The following ARHGAP24 variants were observed in gnomAD, a reference collection of about 807,000 sequenced individuals.
The protein encoded by ARHGAP24 is rho GTPase-activating protein 24.
Under a neutral mutation model 76.4 loss-of-function variants are expected in ARHGAP24, and 50 were observed. The ratio of observed to expected loss-of-function variants is 0.65; its 90% CI spans 0.52 to 0.83. The LOEUF (loss-of-function observed/expected upper bound fraction) is 0.83. ARHGAP24 is among the 40% of genes least tolerant of loss of function. The probability of loss-of-function intolerance (pLI) is 0.00; values close to 1 mark genes in which losing one functional copy is unlikely to be tolerated. For missense variants in ARHGAP24, 930 were observed against 914.2 expected (o/e 1.02, Z -0.22); for synonymous variants, 345 against 323.3 (o/e 1.07, Z -0.72).
chr4:85,842,904 A>T (rs1730687140), intron 3 of ARHGAP24, among the ~76,000 whole-genome samples: 1 of 152,160 alleles, frequency 6.6e-6, no homozygotes, highest in Admixed American at 6.5e-5. Flanking sequence ...CCTGATGAAC[A>T]CATGGGAGAC....
At chr4:85,495,394 A>G (rs1578185060) in intron 1 of ARHGAP24, among the ~76,000 whole-genome samples, 1 of 116,190 alleles carries the variant, frequency 8.6e-6, no homozygotes, top group Non-Finnish European at 1.6e-5. Context: ...TCTGTTGCCC[A>G]GGCTGGAGTG....
At chr4:85,812,258 C>T (rs554990902) in intron 3 of ARHGAP24, among the ~76,000 whole-genome samples, 1 of 152,166 alleles carries the variant, frequency 6.6e-6, no homozygotes, top group African/African-American at 2.4e-5. Context: ...GAACCTGTCA[C>T]TTTTCCAAAA....
At chr4:85,816,157 A>C (rs1418391481) in intron 3 of ARHGAP24, among the ~76,000 whole-genome samples, 1 of 152,326 alleles carries the variant, frequency 6.6e-6, no homozygotes, top group East Asian at 1.9e-4. Context: ...GAGCCGAACC[A>C]TATCAGAACA....
At chr4:85,618,367 CTTTA>C (rs1720605372) in intron 2 of ARHGAP24, among the ~76,000 whole-genome samples, 1 of 152,060 alleles carries the variant, frequency 6.6e-6, no homozygotes, top group Non-Finnish European at 1.5e-5. Context: ...ACCACATTTT[CTTTA>C]TTCATTCATC....
At chr4:85,564,378 C>G (rs1162707774) in intron 1 of ARHGAP24, among the ~76,000 whole-genome samples, 1 of 147,756 alleles carries the variant, frequency 6.8e-6, no homozygotes, top group Admixed American at 6.7e-5. Flanking sequence ...GAACATCACA[C>G]ACCGGGGCCT....
chr4:85,676,646 T>C (rs540775396), intron 2 of ARHGAP24, among the ~76,000 whole-genome samples: 3 of 152,078 alleles, frequency 2.0e-5, no homozygotes, highest in Non-Finnish European at 4.4e-5. Flanking sequence ...GGACCTATTG[T>C]AGGTATTCAC....
intron 3 of ARHGAP24, among the ~76,000 whole-genome samples, chr4:85,890,172 T>C (rs1237182719): frequency 2.6e-5 from 4 of 152,188 alleles, no homozygotes; most frequent in Non-Finnish European, 5.9e-5. Context: ...CAGTTAACAA[T>C]GACACCTAGT....
intron 2 of ARHGAP24, among the ~76,000 whole-genome samples, chr4:85,673,700 G>A (rs1258765953): frequency 6.9e-6 from 1 of 145,002 alleles, no homozygotes. Context: ...TGAAACACCA[G>A]TGGGGGGATC....
intron 5 of ARHGAP24, among the ~76,000 whole-genome samples, chr4:85,953,470 T>G (rs1307649561): frequency 6.6e-6 from 1 of 152,144 alleles, no homozygotes; most frequent in African/African-American, 2.4e-5. Context: ...AAAAGTGAAC[T>G]TGAAAGTAGG....
intron 8 of ARHGAP24, among the ~76,000 whole-genome samples, chr4:85,989,484 A>C (rs532935226): frequency 6.6e-6 from 1 of 151,854 alleles, no homozygotes; most frequent in East Asian, 1.9e-4. Flanking sequence ...TTAATTGTGC[A>C]CAGACTCTTT....
chr4:85,557,106 C>G (rs1285564965), intron 1 of ARHGAP24, among the ~76,000 whole-genome samples: 2 of 152,222 alleles, frequency 1.3e-5, no homozygotes, highest in African/African-American at 4.8e-5. Flanking sequence ...ACCTCTCCCT[C>G]TGGGAGCTCT....
At chr4:85,756,720 G>C (rs1433762945) in intron 3 of ARHGAP24, among the ~76,000 whole-genome samples, 1 of 152,148 alleles carries the variant, frequency 6.6e-6, no homozygotes, top group African/African-American at 2.4e-5. Flanking sequence ...GCCACCATTT[G>C]TGTATTGTTT....
At chr4:85,948,305 A>G in intron 5 of ARHGAP24, among the ~76,000 whole-genome samples, 1 of 152,204 alleles carries the variant, frequency 6.6e-6, no homozygotes, top group South Asian at 2.1e-4. Flanking sequence ...AGAATATCGT[A>G]TAATAGGATA....
chr4:85,484,023 A>T (rs1290426176), intron 1 of ARHGAP24, among the ~76,000 whole-genome samples: 1 of 152,232 alleles, frequency 6.6e-6, no homozygotes, highest in Non-Finnish European at 1.5e-5. Flanking sequence ...GTACACATTG[A>T]TATTGTATTG....
chr4:85,717,001 G>A (rs1724758335), intron 2 of ARHGAP24, among the ~76,000 whole-genome samples: 1 of 152,060 alleles, frequency 6.6e-6, no homozygotes, highest in Non-Finnish European at 1.5e-5. Flanking sequence ...CTTGGTTTAT[G>A]GAATTTATAG....
intron 4 of ARHGAP24, among the ~76,000 whole-genome samples, chr4:85,931,865 CAT>C (rs1289709088): frequency 1.3e-5 from 2 of 152,192 alleles, no homozygotes; most frequent in African/African-American, 2.4e-5. Context: ...ATGTTAATGA[CAT>C]GTGCAGTAAG....
At chr4:85,595,595 A>G (rs906489757) in intron 2 of ARHGAP24, among the ~76,000 whole-genome samples, 1 of 152,132 alleles carries the variant, frequency 6.6e-6, no homozygotes, top group Non-Finnish European at 1.5e-5. Flanking sequence ...TTTAGGGAAC[A>G]TAATGGAAAG....
At chr4:85,750,152 C>A (rs9998523) in intron 3 of ARHGAP24, among the ~76,000 whole-genome samples, 108,961 of 152,038 alleles carry the variant, frequency 0.72, 39,974 homozygotes, top group Non-Finnish European at 0.79. Context: ...TAAAAATAAG[C>A]AAATATATAA....
chr4:85,848,767 T>C (rs1731039132), intron 3 of ARHGAP24, among the ~76,000 whole-genome samples: 1 of 152,266 alleles, frequency 6.6e-6, no homozygotes, highest in Admixed American at 6.5e-5. Context: ...AGATGTGTGG[T>C]ATTATTTCTG....
Sources: gnomAD v4.1 joint callset for allele counts (sites outside exome capture counted in the v4.1 genomes callset) on GRCh38, gnomAD v4.1.1 for gene constraint, MANE v1.5 for transcripts, NCBI Gene and HGNC (gene_info 2026-07-23, HGNC 2026-07-21) for gene names.